MACROD2: variants seen among roughly 807,000 people sequenced by gnomAD.
MACROD2 encodes the protein mono-ADP ribosylhydrolase 2.
In MACROD2, 36 loss-of-function variants were observed where a neutral mutation model predicts 70.4. The observed-to-expected ratio is 0.51, with a 90% confidence interval of 0.39 to 0.68. MACROD2 has a LOEUF of 0.68. MACROD2 is among the 30% of genes least tolerant of loss of function. The pLI is 0.00. For synonymous variants in MACROD2, 172 were observed against 178.8 expected (o/e 0.96, Z 0.30); for missense variants, 496 against 538.4 (o/e 0.92, Z 0.78).
chr20:15,810,396 G>A (rs1369514298), intron 8 of MACROD2, among the ~76,000 whole-genome samples: 1 of 151,348 alleles, frequency 6.6e-6, no homozygotes, highest in Admixed American at 6.6e-5. Flanking sequence ...GGGATGGCTG[G>A]GTCAAATGGT....
At chr20:15,758,877 C>T (rs190323225) in intron 8 of MACROD2, among the ~76,000 whole-genome samples, 98 of 150,068 alleles carry the variant, frequency 6.5e-4, no homozygotes, top group Non-Finnish European at 1.3e-3. Flanking sequence ...AGGCCGGGCA[C>T]GGTGGCTCAT....
intron 3 of MACROD2, among the ~76,000 whole-genome samples, chr20:14,378,661 T>C (rs2083395133): frequency 6.6e-6 from 1 of 152,240 alleles, no homozygotes; most frequent in Non-Finnish European, 1.5e-5. Context: ...TATCTGACAG[T>C]AATTAAATAT....
At chr20:16,014,580 C>T (rs1483284995) in intron 15 of MACROD2, among the ~76,000 whole-genome samples, 1 of 152,226 alleles carries the variant, frequency 6.6e-6, no homozygotes, top group Non-Finnish European at 1.5e-5. Context: ...CTAGGGAAGA[C>T]TCTGATCACC....
At chr20:14,675,692 T>C (rs1034950013) in intron 4 of MACROD2, among the ~76,000 whole-genome samples, 2 of 152,120 alleles carry the variant, frequency 1.3e-5, no homozygotes, top group Admixed American at 1.3e-4. Context: ...AGGATCAAAT[T>C]CACACATAAC....
intron 8 of MACROD2, among the ~76,000 whole-genome samples, chr20:15,588,148 C>T (rs776117513): frequency 5.9e-5 from 9 of 152,186 alleles, no homozygotes; most frequent in Non-Finnish European, 1.0e-4. Flanking sequence ...TCTGTGCACC[C>T]GCAGGCTTAA....
chr20:14,002,246 A>T, intron 1 of MACROD2, 42 bp from the exon 2 acceptor site: 1 of 1,308,084 alleles, frequency 7.6e-7, no homozygotes, highest in Non-Finnish European at 1.1e-6. Context: ...TCCCATGTTT[A>T]AACGTTAAAT....
intron 8 of MACROD2, among the ~76,000 whole-genome samples, chr20:15,684,778 A>G (rs6105454): frequency 0.23 from 35,607 of 152,090 alleles, 4,932 homozygotes; most frequent in African/African-American, 0.39. Flanking sequence ...ACTATTTTTT[A>G]AATTAAGATA....
chr20:15,270,499 T>C (rs1187683070), intron 6 of MACROD2, among the ~76,000 whole-genome samples: 2 of 152,210 alleles, frequency 1.3e-5, no homozygotes, highest in African/African-American at 4.8e-5. Context: ...TTTGAGGTTA[T>C]GGAACTGTTC....
chr20:15,127,400 CTTAGTTGCTGAAAATAATAAATATTTAT>C (rs1317840283), intron 5 of MACROD2, among the ~76,000 whole-genome samples: 1 of 152,076 alleles, frequency 6.6e-6, no homozygotes, highest in African/African-American at 2.4e-5. Flanking sequence ...TACTCTCAAA[CTTAGTTGCTGAAAATAATAAATATTTAT>C]TATCTCATAC....
intron 2 of MACROD2, among the ~76,000 whole-genome samples, chr20:14,032,687 A>T (rs566223371): frequency 2.6e-5 from 4 of 152,170 alleles, no homozygotes; most frequent in African/African-American, 9.6e-5. Context: ...TGAGCACTAT[A>T]TAAGTTGGCT....
At chr20:14,802,647 T>C (rs375532564) in intron 5 of MACROD2, among the ~76,000 whole-genome samples, 2 of 152,142 alleles carry the variant, frequency 1.3e-5, no homozygotes, top group African/African-American at 4.8e-5. Context: ...TAAATAATGA[T>C]GAGGCAAAAT....
intron 8 of MACROD2, among the ~76,000 whole-genome samples, chr20:15,591,872 T>C (rs758589037): frequency 6.6e-6 from 1 of 152,130 alleles, no homozygotes; most frequent in Non-Finnish European, 1.5e-5. Flanking sequence ...AATGATAACA[T>C]GAATTGTAAA....
chr20:14,215,380 A>ACACACACACC (rs1250375095), intron 3 of MACROD2, among the ~76,000 whole-genome samples: 1 of 147,068 alleles, frequency 6.8e-6, no homozygotes, highest in East Asian at 2.0e-4. Flanking sequence ...ACACACACAC[A>ACACACACACC]CCACAGTTTC....
At chr20:14,574,174 G>A (rs116946089) in intron 4 of MACROD2, among the ~76,000 whole-genome samples, 2 of 152,104 alleles carry the variant, frequency 1.3e-5, no homozygotes, top group Non-Finnish European at 2.9e-5. Flanking sequence ...TCCTGAGGCT[G>A]TTTTCCCTGT....
At chr20:15,769,625 T>C (rs921919772) in intron 8 of MACROD2, among the ~76,000 whole-genome samples, 1 of 152,188 alleles carries the variant, frequency 6.6e-6, no homozygotes, top group Non-Finnish European at 1.5e-5. Context: ...TATGACATTA[T>C]TAGACAATAG....
intron 7 of MACROD2, among the ~76,000 whole-genome samples, chr20:15,437,593 C>A (rs2046443223): frequency 1.3e-5 from 2 of 152,140 alleles, no homozygotes; most frequent in Admixed American, 1.3e-4. Context: ...CAGATTAGTT[C>A]ATCACCCAGG....
intron 8 of MACROD2, among the ~76,000 whole-genome samples, chr20:15,773,427 T>G (rs1164309747): frequency 6.6e-6 from 1 of 152,074 alleles, no homozygotes; most frequent in African/African-American, 2.4e-5. Flanking sequence ...GACATCTCAT[T>G]TTACTCTCTG....
chr20:15,244,453 G>C (rs1166440777), intron 6 of MACROD2, among the ~76,000 whole-genome samples: 1 of 152,154 alleles, frequency 6.6e-6, no homozygotes, highest in East Asian at 1.9e-4. Context: ...GGATACCAGG[G>C]GAAGGCTGTC....
At chr20:15,277,628 G>T (rs1054785538) in intron 6 of MACROD2, among the ~76,000 whole-genome samples, 1 of 152,214 alleles carries the variant, frequency 6.6e-6, no homozygotes, top group African/African-American at 2.4e-5. Context: ...TTCTGATGCT[G>T]CTGGTCCACA....
Sources: gnomAD v4.1 joint callset for allele counts (sites outside exome capture counted in the v4.1 genomes callset) on GRCh38, gnomAD v4.1.1 for gene constraint, MANE v1.5 for transcripts, NCBI Gene and HGNC (gene_info 2026-07-23, HGNC 2026-07-21) for gene names.